The following PSD variants were observed in gnomAD, a reference collection of about 807,000 sequenced individuals.
PSD encodes the protein PH and SEC7 domain-containing protein 1.
A neutral mutation model predicts 91.6 loss-of-function variants in PSD; 32 were observed. The ratio of observed to expected loss-of-function variants is 0.35; its 90% CI spans 0.26 to 0.47. PSD has a LOEUF of 0.47. PSD is among the 20% of genes least tolerant of loss of function. The pLI is 1.00. For synonymous variants in PSD, 532 were observed against 569.3 expected (o/e 0.93, Z 0.93); for missense variants, 1,099 against 1,373.9 (o/e 0.80, Z 3.16).
In PSD at chr10:102,412,558, T is replaced by G; in HGVS notation, c.1571A>C (p.Gln524Pro). Residue 524 changes from glutamine (Q) to proline (P), a missense_variant, in exon 6 of 17, where the codon CAG becomes CCG. Transcript: ENST00000020673. ...CTCTGAGTCTGAGTCGGACACCAGC[T>G]GGCTCAGGGGTGGTTCGCTGCCGGG... The part of the protein sequence containing the change: ...APLGSEPPLS[Q>P]LVSDSDSELD... The G allele has an allele frequency of 6.2e-7, 1 of 1,612,978 alleles. No homozygotes were observed. The highest frequency in any genetic ancestry group is 8.5e-7 in the Non-Finnish European group (1 of 1,179,424).
chr10:102,408,746 C>T (rs1460273519), intron 10 of PSD: 3 of 325,406 alleles, frequency 9.2e-6, no homozygotes, highest in East Asian at 1.7e-4. Flanking sequence ...GCCCTCCCTG[C>T]CCCCCCAGCC....
Position 102,416,031 on chromosome 10 carries a change from T to G in PSD, c.743A>C (p.Asp248Ala). The change falls in exon 3 of 17, where the codon GAC (aspartate) becomes GCC (alanine). Residue 248 changes from aspartate (D) to alanine (A), a missense_variant. Coordinates refer to ENST00000020673, the MANE Select transcript of PSD (RefSeq NM_002779.5). The surrounding 1 kb of genome is among the most constrained non-coding windows in gnomAD (Gnocchi z 6.0). ...AKWEFFYGSL[D>A]PPSSGAKPPE... is the part of the protein sequence containing the mutation. ...CCAGGCCTTACCTGAGCTGGGGGGG[T>G]CCAAGGAGCCATAGAAGAATTCCCA... is the stretch of plus-strand genomic sequence containing the variant. 1 of 1,611,240 alleles carries G rather than the reference T, an allele frequency of 6.2e-7. No homozygotes were observed. The highest frequency in any genetic ancestry group is 1.1e-5 in the South Asian group (1 of 90,614).
In PSD at chr10:102,412,364, CA is replaced by C. The variant is rs758690822; in HGVS notation, c.1748+16del. 3 of 1,612,840 alleles carry C rather than the reference CA, an allele frequency of 1.9e-6. No homozygotes were observed. Among genetic ancestry groups the C allele is most frequent in the Admixed American group, 3.3e-5 (2 of 60,008 alleles). On this transcript the variant is annotated intron_variant, in intron 6 of 16. Transcript: ENST00000020673. Reference sequence around the variant, plus strand: ...TTCCCTCTGCCCCCATCCTCAGTCCCAGCCTAGTGGCTTTACTTCTTGCCCA... The same window carrying C: ...TTCCCTCTGCCCCCATCCTCAGTCCCGCCTAGTGGCTTTACTTCTTGCCCA...
In PSD at chr10:102,403,797, T is replaced by C; in HGVS notation, c.2844+45A>G. The C allele has an allele frequency of 6.3e-7, 1 of 1,582,918 alleles. No individual in the cohort carries two copies. On this transcript the variant is annotated intron_variant, in intron 16 of 16. Transcript: ENST00000020673. This position sits in a 1 kb window ranked among gnomAD's most constrained non-coding sequence, Gnocchi z 6.7. ...TTAGAGTTCATGCCCTTCACCCTAG[T>C]ATGGGCCTGCGTGTGTGGACAGAGG...
In PSD at chr10:102,412,375, C is replaced by T. The variant is rs201170558; in HGVS notation, c.1748+6G>A. 2.2e-5 allele frequency: 36 copies of T among 1,613,332 alleles called. No individual in the cohort carries two copies. In the East Asian group the frequency reaches 8.0e-4, roughly 36 times the overall value. ...CCCATCCTCAGTCCCAGCCTAGTGG[C>T]TTTACTTCTTGCCCAGGTGCCGGGC... On this transcript the variant is annotated splice_donor_region_variant and intron_variant, in intron 6 of 16. Transcript: ENST00000020673.
chr10:102,404,335 G>A lies in PSD; in HGVS notation c.2700+248C>T, dbSNP rs1234100676. Among the ~76,000 whole-genome samples the A allele has an allele frequency of 1.4e-4, 20 of 141,550 alleles. No homozygotes were observed. Among genetic ancestry groups the A allele is most frequent in the Admixed American group, 8.1e-4 (11 of 13,622 alleles). 92.9% of individuals were successfully genotyped at this position (141,550 alleles called of 152,430 possible). ...GGCACTCCCACCTGGGCAACAGAGC[G>A]AGACTCCATCTCAAAAAAAAAAAAA... On this transcript the variant is annotated intron_variant, in intron 15 of 16. Coordinates refer to ENST00000020673, the MANE Select transcript of PSD (RefSeq NM_002779.5). The surrounding 1 kb of genome is among the most constrained non-coding windows in gnomAD (Gnocchi z 5.7).
chr10:102,406,964 G>A (rs1348129926), intron 11 of PSD, among the ~76,000 whole-genome samples: 2 of 152,074 alleles, frequency 1.3e-5, no homozygotes, highest in African/African-American at 4.8e-5. Flanking sequence ...GGTTGCCAGG[G>A]GACCTCCCTT....
At chr10:102,408,813 G>T in intron 10 of PSD, 1 of 908,328 alleles carries the variant, frequency 1.1e-6, no homozygotes. Context: ...GCCCTCGGTT[G>T]GCACCGCCCT....
chr10:102,416,375 A>C lies in PSD; in HGVS notation c.654+10T>G, dbSNP rs762545581. 5.0e-6 allele frequency: 8 copies of C among 1,590,102 alleles called. No homozygotes were observed. In the East Asian group the frequency reaches 1.6e-4, roughly 32 times the overall value. The stretch of plus-strand genomic sequence containing the variant: ...CTGGGGGCCCAGGGAGCCCAGGGGA[A>C]GTTGCATACCTGGTTCAGGAATCCA... On this transcript the variant is annotated intron_variant, in intron 2 of 16. Coordinates refer to ENST00000020673, the MANE Select transcript of PSD (RefSeq NM_002779.5). This position sits in a 1 kb window ranked among gnomAD's most constrained non-coding sequence, Gnocchi z 6.0.
At chr10:102,412,331 AG>A in intron 6 of PSD, 49 bp downstream of exon 6, 1 of 1,611,588 alleles carries the variant, frequency 6.2e-7, no homozygotes, top group Non-Finnish European at 8.5e-7. Flanking sequence ...AGCTGCCTTC[AG>A]GATGCATTCC....
At position 102,404,919 on chromosome 10, in the gene PSD, C is replaced by T. The variant is rs1397406971; in HGVS notation, c.2534G>A (p.Arg845Gln). Residue 845 changes from arginine (R) to glutamine (Q), a missense_variant, in exon 14 of 17, where the codon CGG (arginine) becomes CAG (glutamine). Transcript: ENST00000020673. The surrounding 1 kb of genome is among the most constrained non-coding windows in gnomAD (Gnocchi z 5.7). Reference protein sequence around the residue: ...HVFYLRTADWRVFLFQAPSLE... With the variant: ...HVFYLRTADWQVFLFQAPSLE... ...TCACGGGGCCTGGAAGAGGAAGACC[C>T]GCCAGTCAGCTGTGCGCAGGTAGAA... 4.3e-6 allele frequency: 7 copies of T among 1,613,628 alleles called. No individual in the cohort carries two copies. The highest frequency in any genetic ancestry group is 5.9e-6 in the Non-Finnish European group (7 of 1,179,818).
At position 102,404,883 on chromosome 10, in the gene PSD, G is replaced by C; in HGVS notation, c.2555+15C>G. ...GGGGGAAGGGGTCCGGGATGGGCAG[G>C]AGGAGGGCACTCACGGGGCCTGGAA... On this transcript the variant is annotated intron_variant, in intron 14 of 16. Transcript: ENST00000020673. The surrounding 1 kb of genome is among the most constrained non-coding windows in gnomAD (Gnocchi z 5.7). 3.7e-6 allele frequency: 6 copies of C among 1,611,616 alleles called. No individual in the cohort carries two copies. The highest frequency in any genetic ancestry group is 4.2e-6 in the Non-Finnish European group (5 of 1,178,894).
chr10:102,405,888 C>G lies in PSD; in HGVS notation c.2136-352G>C, dbSNP rs887940764. 1 of 244,344 alleles carries G rather than the reference C, an allele frequency of 4.1e-6. No homozygotes were observed. Among genetic ancestry groups the G allele is most frequent in the African/African-American group, 2.2e-5 (1 of 45,352 alleles). 15.1% of individuals were successfully genotyped at this position (244,344 alleles called of 1,614,324 possible). ...TCCGCTGGCTCAACCACATCCAGCC[C>G]CAGGCTTTGCTCACGGTTTGTGGGC... On this transcript the variant is annotated intron_variant, in intron 11 of 16. Coordinates refer to ENST00000020673, the MANE Select transcript of PSD (RefSeq NM_002779.5). This position sits in a 1 kb window ranked among gnomAD's most constrained non-coding sequence, Gnocchi z 5.4.
At chr10:102,415,281 G>C in intron 3 of PSD, 52 bp from the exon 4 acceptor site, 1 of 1,527,722 alleles carries the variant, frequency 6.5e-7, no homozygotes, top group Non-Finnish European at 8.8e-7. Context: ...TCAGCTCCCT[G>C]TCCTAATTCT....
chr10:102,416,300 G>A lies in PSD; in HGVS notation c.654+85C>T. 4 of 1,458,704 alleles carry A rather than the reference G, an allele frequency of 2.7e-6. No homozygotes were observed. Among genetic ancestry groups the A allele is most frequent in the Non-Finnish European group, 3.7e-6 (4 of 1,070,814 alleles). 90.4% of individuals were successfully genotyped at this position (1,458,704 alleles called of 1,614,324 possible). A position where few individuals can be genotyped will look rare whatever the true frequency, so the allele number is the denominator to read the frequency against. On this transcript the variant is annotated intron_variant, in intron 2 of 16. Transcript: ENST00000020673. The surrounding 1 kb of genome is among the most constrained non-coding windows in gnomAD (Gnocchi z 6.0). ...TAGAACAGATTAAAGGATTCAGAGTGAACAGCAGACAAGCCCATGTCTGAC... is the reference window on the plus strand; with the variant it reads ...TAGAACAGATTAAAGGATTCAGAGTAAACAGCAGACAAGCCCATGTCTGAC...
rs1589882479 is a variant in PSD, at chr10:102,405,830, A to G, written c.2136-294T>C. 3.2e-6 allele frequency: 1 copy of G among 311,702 alleles called. No homozygotes were observed. The allele number at this position is 311,702 out of a possible 1,614,324, so 19.3% of individuals were successfully genotyped here. A position where few individuals can be genotyped will look rare whatever the true frequency, so the allele number is the denominator to read the frequency against. ...ATTGCTGCACACCTGCAGCCCTCAC[A>G]CCCTTCTCCACCAGGACAGCCCCGG... is the stretch of plus-strand genomic sequence containing the variant. On this transcript the variant is annotated intron_variant, in intron 11 of 16. Transcript: ENST00000020673. This position sits in a 1 kb window ranked among gnomAD's most constrained non-coding sequence, Gnocchi z 5.4.
chr10:102,408,226 C>T (rs1381940815), intron 10 of PSD, among the ~76,000 whole-genome samples: 1 of 152,186 alleles, frequency 6.6e-6, no homozygotes, highest in Non-Finnish European at 1.5e-5. Flanking sequence ...GAGCTGGGTG[C>T]AGTGGTGACG....
At position 102,410,771 on chromosome 10, in the gene PSD, C is replaced by T. The variant is rs2061417163; in HGVS notation, c.2091+87G>A. The T allele has an allele frequency of 9.8e-7, 1 of 1,019,676 alleles. No individual in the cohort carries two copies. Among genetic ancestry groups the T allele is most frequent in the Non-Finnish European group, 1.5e-6 (1 of 650,526 alleles). 63.2% of individuals were successfully genotyped at this position (1,019,676 alleles called of 1,614,324 possible). On this transcript the variant is annotated intron_variant, in intron 10 of 16. Transcript: ENST00000020673. This position sits in a 1 kb window ranked among gnomAD's most constrained non-coding sequence, Gnocchi z 6.0. ...AGCCGGGGGTCGGCAAGCCCCAGCC[C>T]TGCCCTCCCTCCGACTCTGGACTCC...
chr10:102,405,334 T>C lies in PSD; in HGVS notation c.2326+12A>G. On this transcript the variant is annotated intron_variant, in intron 12 of 16. Transcript: ENST00000020673. The surrounding 1 kb of genome is among the most constrained non-coding windows in gnomAD (Gnocchi z 5.4). ...CCCCTAGACGCCCGCCCCCCGCAAC[T>C]CGGCCACATACTCTTCCTGCAGTCA... The C allele has an allele frequency of 6.2e-7, 1 of 1,608,740 alleles. No homozygotes were observed. The highest frequency in any genetic ancestry group is 8.5e-7 in the Non-Finnish European group (1 of 1,178,176).
Sources: gnomAD v4.1 joint callset for allele counts (sites outside exome capture counted in the v4.1 genomes callset) on GRCh38, gnomAD v4.1.1 for gene constraint, Gnocchi (gnomAD v3.1) non-coding constraint, MANE v1.5 for transcripts, NCBI Gene and HGNC (gene_info 2026-07-23, HGNC 2026-07-21) for gene names.